The following GREB1L variants were observed in gnomAD, a reference collection of about 807,000 sequenced individuals.
The protein encoded by GREB1L is GREB1-like protein.
In GREB1L, 17 loss-of-function variants were observed where a neutral mutation model predicts 200.8. That is an observed-to-expected ratio of 0.08 (90% CI 0.06 to 0.13). The LOEUF is 0.13. GREB1L is among the 10% of genes least tolerant of loss of function. GREB1L has a pLI of 1.00. For missense variants in GREB1L, 1,657 were observed against 2,367.7 expected (o/e 0.70, Z 6.23); for synonymous variants, 789 against 893.0 (o/e 0.88, Z 2.08).
chr18:21,488,876 C>T (rs2145839787), intron 18 of GREB1L, among the ~76,000 whole-genome samples: 1 of 152,234 alleles, frequency 6.6e-6, no homozygotes, highest in East Asian at 1.9e-4. Context: ...AGGCTGGTCT[C>T]GAACTCCTGA....
At chr18:21,494,488 T>C (rs1281785735) in intron 19 of GREB1L, among the ~76,000 whole-genome samples, 1 of 152,162 alleles carries the variant, frequency 6.6e-6, no homozygotes, top group African/African-American at 2.4e-5. Context: ...TTTCTTTTTA[T>C]CCTATTTTGT....
intron 5 of GREB1L, among the ~76,000 whole-genome samples, chr18:21,399,603 C>T (rs147415903): frequency 5.3e-5 from 8 of 152,182 alleles, no homozygotes; most frequent in African/African-American, 1.9e-4. Context: ...AGGTATTGGA[C>T]AAATAGTCAA....
At position 21,441,427 on chromosome 18, in the gene GREB1L, A is replaced by T; in HGVS notation, c.1097A>T (p.Gln366Leu). 1 of 1,549,768 alleles carries T rather than the reference A, an allele frequency of 6.5e-7. No homozygotes were observed. The highest frequency in any genetic ancestry group is 8.7e-7 in the Non-Finnish European group (1 of 1,146,452). ...TEPLLSAPVPQTPLTGILQPR... is the reference protein window; with the variant it reads ...TEPLLSAPVPLTPLTGILQPR... The stretch of plus-strand genomic sequence containing the variant: ...CCCCTTTTATCTGCCCCAGTTCCAC[A>T]GACCCCACTAACTGGAATTTTACAA... Residue 366 changes from glutamine (Q) to leucine (L), a missense_variant, in exon 10 of 33, where the codon CAG becomes CTG. Physicochemically the swap from Gln to Leu is moderately radical, Grantham distance 113. This residue lies in a region of GREB1L where 289 missense variants were observed against 345.1 expected (regional missense o/e 0.84). Coordinates refer to ENST00000424526, the MANE Select transcript of GREB1L (RefSeq NM_001142966.3).
intron 1 of GREB1L, among the ~76,000 whole-genome samples, chr18:21,341,514 G>A (rs1186618731): frequency 1.3e-5 from 2 of 152,080 alleles, no homozygotes; most frequent in South Asian, 2.1e-4. Flanking sequence ...TGGGACTATC[G>A]GCATACACCA....
intron 1 of GREB1L, among the ~76,000 whole-genome samples, chr18:21,277,500 A>C (rs1383802452): frequency 1.3e-5 from 2 of 151,682 alleles, no homozygotes; most frequent in African/African-American, 4.8e-5. Context: ...GCTCTTACTC[A>C]TTTTCCTGCC....
rs1370635570 is a variant in GREB1L at position 21,508,141 on chromosome 18, C to A, written c.4392C>A (p.Ala1464=). The A allele has an allele frequency of 6.4e-7, 1 of 1,551,504 alleles. No individual in the cohort carries two copies. The highest frequency in any genetic ancestry group is 8.7e-7 in the Non-Finnish European group (1 of 1,146,994). ...AGATGTCTGACTCCACCCTTCATGC[C>A]TTCACATTCTCTTCTTCTATGCTGG... The part of the protein sequence containing the change: ...ASQMSDSTLH[A]FTFSSSMLGE... Residue 1464 remains alanine (A), a synonymous_variant, in exon 26 of 33, where the codon GCC becomes GCA. Transcript: ENST00000424526.
chr18:21,436,585 G>T (rs1317115652), intron 7 of GREB1L, among the ~76,000 whole-genome samples: 1 of 151,906 alleles, frequency 6.6e-6, no homozygotes, highest in African/African-American at 2.4e-5. Context: ...AGTGAGCCAT[G>T]TTTGTGCCAC....
Position 21,397,539 on chromosome 18 carries a change from A to AT in GREB1L, c.532+1978_532+1979insT, listed in dbSNP as rs1237039084. 5.4e-3 allele frequency among the ~76,000 whole-genome samples: 642 copies of AT among 118,636 alleles called. 8 individuals carry two copies. The highest frequency in any genetic ancestry group is 0.021 in the African/African-American group (583 of 27,164). 77.8% of individuals were successfully genotyped at this position (118,636 alleles called of 152,430 possible). Reference sequence around the variant, plus strand: ...GACTCCGTCTCAAAAAAAAAAAAAAAAAAATAATAATAATAATTAGCTGGG... The same window carrying AT: ...GACTCCGTCTCAAAAAAAAAAAAAAATAAAATAATAATAATAATTAGCTGGG... On this transcript the variant is annotated intron_variant, in intron 5 of 32. Transcript: ENST00000424526.
At chr18:21,287,225 A>AT (rs999887330) in intron 1 of GREB1L, among the ~76,000 whole-genome samples, 15 of 152,098 alleles carry the variant, frequency 9.9e-5, no homozygotes, top group Admixed American at 6.5e-4. Flanking sequence ...CATACATGCT[A>AT]TTTTTTCCCC....
intron 7 of GREB1L, among the ~76,000 whole-genome samples, chr18:21,431,178 C>T (rs1190438792): frequency 1.3e-5 from 2 of 151,918 alleles, no homozygotes; most frequent in Non-Finnish European, 1.5e-5. Context: ...CCCACCACCA[C>T]ACGTGGCTAA....
At chr18:21,481,594 C>T (rs996894636) in intron 17 of GREB1L, among the ~76,000 whole-genome samples, 4 of 151,822 alleles carry the variant, frequency 2.6e-5, no homozygotes, top group African/African-American at 9.7e-5. Context: ...GGGACCAGCA[C>T]TCAGATCAAG....
intron 2 of GREB1L, among the ~76,000 whole-genome samples, chr18:21,378,608 C>G (rs527962570): frequency 2.0e-4 from 31 of 152,330 alleles, no homozygotes; most frequent in African/African-American, 7.2e-4. Flanking sequence ...CTCCTGACCT[C>G]AGGTGATCTG....
At chr18:21,483,663 C>G (rs1305651141) in intron 17 of GREB1L, among the ~76,000 whole-genome samples, 1 of 152,022 alleles carries the variant, frequency 6.6e-6, no homozygotes, top group African/African-American at 2.4e-5. Flanking sequence ...ACAGTTGTTT[C>G]TCTTTAGATG....
At chr18:21,455,080 T>C (rs1319280076) in intron 15 of GREB1L, 1 of 152,882 alleles carries the variant, frequency 6.5e-6, no homozygotes, top group Non-Finnish European at 1.5e-5. Flanking sequence ...GAAAAAAAAA[T>C]GTTTTTCCCA....
At chr18:21,261,803 A>G (rs140350141) in intron 1 of GREB1L, among the ~76,000 whole-genome samples, 1,562 of 152,260 alleles carry the variant, frequency 0.01, 95 homozygotes, top group Admixed American at 0.095. Flanking sequence ...CAACCCCTAT[A>G]GAGTCAAGGG....
chr18:21,247,657 G>A (rs531749410), intron 1 of GREB1L, among the ~76,000 whole-genome samples: 31 of 152,172 alleles, frequency 2.0e-4, no homozygotes, highest in Non-Finnish European at 2.8e-4. Context: ...AACAATTACT[G>A]CTCTAATTAC....
chr18:21,486,819 T>C (rs2036146297), intron 18 of GREB1L, among the ~76,000 whole-genome samples: 1 of 152,212 alleles, frequency 6.6e-6, no homozygotes, highest in African/African-American at 2.4e-5. Flanking sequence ...CGATTGGGCT[T>C]TATTTTATGG....
chr18:21,473,035 C>T lies in GREB1L; in HGVS notation c.2187C>T (p.Val729=). ...GAACTTTTTTCTTCTTGGCAGGTGT[C>T]CTTGTAGACTTGGGTCTGGAGGAAA... ...QTLQRIRQSG[V]LVDLGLEENG... Residue 729 remains valine (V), a synonymous_variant, in exon 16 of 33, where the codon GTC becomes GTT. Transcript: ENST00000424526. 6.5e-7 allele frequency: 1 copy of T among 1,531,892 alleles called. No homozygotes were observed. The highest frequency in any genetic ancestry group is 8.8e-7 in the Non-Finnish European group (1 of 1,135,966). The allele number at this position is 1,531,892 out of a possible 1,614,324, so 94.9% of individuals were successfully genotyped here. A position where few individuals can be genotyped will look rare whatever the true frequency, so the allele number is the denominator to read the frequency against.
chr18:21,404,092 A>G lies in GREB1L; in HGVS notation c.832+98A>G, dbSNP rs147665412. 2.0e-3 allele frequency: 2,188 copies of G among 1,074,674 alleles called. 4 individuals are homozygous for G. The highest frequency in any genetic ancestry group is 3.7e-3 in the Admixed American group (151 of 41,308). The allele number at this position is 1,074,674 out of a possible 1,614,324, so 66.6% of individuals were successfully genotyped here. On this transcript the variant is annotated intron_variant, in intron 7 of 32. Coordinates refer to ENST00000424526, the MANE Select transcript of GREB1L (RefSeq NM_001142966.3). Reference sequence around the variant, plus strand: ...ACTGCTGGCTGGTTTGAATAGAGATATTTCAAAATAAAGGTATTACTTGAG... The same window carrying G: ...ACTGCTGGCTGGTTTGAATAGAGATGTTTCAAAATAAAGGTATTACTTGAG...
Sources: allele counts gnomAD v4.1 joint callset (sites outside exome capture counted in the v4.1 genomes callset), GRCh38; gene constraint gnomAD v4.1.1; regional missense constraint gnomAD v4.1.1; transcripts MANE v1.5; gene names NCBI Gene and HGNC (gene_info 2026-07-23, HGNC 2026-07-21).